Variants in BTAF1 observed in about 807,000 individuals in gnomAD.
BTAF1 encodes B-TFIID TATA-box binding protein associated factor 1, also known as TATA-binding protein-associated factor 172.
In BTAF1, 38 loss-of-function variants were observed where a neutral mutation model predicts 227.1. The observed-to-expected ratio is 0.17, with a 90% CI of 0.13 to 0.22. BTAF1 has a LOEUF of 0.22. BTAF1 is among the 10% of genes least tolerant of loss of function. BTAF1 has a pLI of 1.00. For missense variants in BTAF1, 1,598 were observed against 2,204.0 expected, an observed-to-expected ratio of 0.73 and a Z score of 5.51; for synonymous variants, 742 against 751.9, an observed-to-expected ratio of 0.99 and a Z score of 0.21.
At chr10:91,958,937 C>G (rs1205234797) in intron 8 of BTAF1, 128 bp from the exon 9 acceptor site, 1 of 767,342 alleles carries the variant, frequency 1.3e-6, no homozygotes, top group Non-Finnish European at 2.1e-6. Flanking sequence ...AAAATACATT[C>G]TTGTAAAGTT....
chr10:91,931,711 T>C (rs1844286503), intron 1 of BTAF1, among the ~76,000 whole-genome samples: 2 of 152,316 alleles, frequency 1.3e-5, no homozygotes, highest in South Asian at 4.1e-4. Context: ...GGCCTGGCCC[T>C]GATGCTTACC....
In BTAF1 at chr10:92,026,481, T is replaced by C. The variant is rs2134187940; in HGVS notation, c.5076-111T>C. ...TCTCAGATGATCATGTAAGTATCCC[T>C]ATTGTGGATTTTTAAAGCAGCATTT... On this transcript the variant is annotated intron_variant, in intron 35 of 37. Transcript: ENST00000265990. 7.2e-6 allele frequency: 6 copies of C among 829,954 alleles called. No individual in the cohort carries two copies. In the South Asian group the frequency reaches 1.1e-4, roughly 15 times the overall value. The allele number at this position is 829,954 out of a possible 1,614,324, so 51.4% of individuals were successfully genotyped here. A position where few individuals can be genotyped will look rare whatever the true frequency, so the allele number is the denominator to read the frequency against.
chr10:91,979,756 AG>A (rs1847945224), intron 14 of BTAF1, among the ~76,000 whole-genome samples: 1 of 152,160 alleles, frequency 6.6e-6, no homozygotes, highest in Non-Finnish European at 1.5e-5. Flanking sequence ...TATTTGGTGA[AG>A]CACTATTTGG....
chr10:91,935,894 C>CT (rs944210078), intron 2 of BTAF1, 114 bp downstream of exon 2: 13,750 of 838,662 alleles, frequency 0.016, no homozygotes, highest in East Asian at 0.022. Flanking sequence ...TTTGCTATTT[C>CT]TTTTTTTTTT....
chr10:91,945,152 C>T (rs576584949), intron 4 of BTAF1, among the ~76,000 whole-genome samples: 3 of 151,890 alleles, frequency 2.0e-5, no homozygotes, highest in African/African-American at 7.2e-5. Flanking sequence ...TTGAATCATA[C>T]AATATGTGGT....
intron 34 of BTAF1, 33 bp from the exon 35 acceptor site, chr10:92,024,723 G>C (rs374468768): frequency 1.8e-6 from 1 of 563,058 alleles, no homozygotes; most frequent in Non-Finnish European, 2.7e-6. Context: ...TTTATTGAAC[G>C]CTTATGTAGT....
intron 25 of BTAF1, among the ~76,000 whole-genome samples, chr10:92,005,222 G>C (rs542758634): frequency 6.6e-6 from 1 of 150,762 alleles, no homozygotes; most frequent in South Asian, 2.1e-4. Flanking sequence ...TGGGGTTTTT[G>C]TGGTTCCACA....
Position 92,009,189 on chromosome 10 carries a change from C to A in BTAF1, c.4084C>A (p.Pro1362Thr). The change falls in exon 28 of 38, where the codon CCT (proline) becomes ACT (threonine). Residue 1362 changes from proline to threonine, a missense_variant. Pro to Thr is a conservative substitution (Grantham distance 38). This residue lies in a region of BTAF1 where 184 missense variants were observed against 341.1 expected (regional missense o/e 0.54). Transcript: ENST00000265990. ...TCTCAACCCGTTGCATTACACTGGACCTCCCACTGAAAGAATAAGGTAAGA... is the reference window on the plus strand; with the variant it reads ...TCTCAACCCGTTGCATTACACTGGAACTCCCACTGAAAGAATAAGGTAAGA... Reference protein sequence around the residue: ...EYLNPLHYTGPPTERIRLQHQ... With the variant: ...EYLNPLHYTGTPTERIRLQHQ... 6.2e-7 allele frequency: 1 copy of A among 1,613,810 alleles called. No homozygotes were observed.
intron 15 of BTAF1, 104 bp downstream of exon 15, chr10:91,980,662 T>A: frequency 1.2e-6 from 1 of 860,558 alleles, no homozygotes; most frequent in Non-Finnish European, 1.9e-6. Context: ...TCATGGAGAT[T>A]TGAAAAGTCT....
rs6144026 is a variant in BTAF1, at chr10:91,925,516, C to CTTTT, written c.14+1436_14+1439dup. Among the ~76,000 whole-genome samples, 67 of 114,598 alleles carry CTTTT rather than the reference C, an allele frequency of 5.8e-4. 6 individuals carry two copies. The highest frequency in any genetic ancestry group is 3.1e-3 in the Admixed American group (30 of 9,524). The allele number at this position is 114,598 out of a possible 152,430, so 75.2% of individuals were successfully genotyped here. On this transcript the variant is annotated intron_variant, in intron 1 of 37. Transcript: ENST00000265990. ...CCTAATTTTCGGGCAACGCTAATCTCTTTTTTTTTTTTTGAGAAGGAATCT... is the reference window on the plus strand; with the variant it reads ...CCTAATTTTCGGGCAACGCTAATCTCTTTTTTTTTTTTTTTTTGAGAAGGAATCT...
intron 5 of BTAF1, among the ~76,000 whole-genome samples, 161 bp from the exon 6 acceptor site, chr10:91,953,576 A>G (rs1370491743): frequency 6.6e-6 from 1 of 152,254 alleles, no homozygotes; most frequent in Non-Finnish European, 1.5e-5. Flanking sequence ...GACTGAAATT[A>G]TGGTACAGTC....
intron 18 of BTAF1, among the ~76,000 whole-genome samples, chr10:91,983,787 A>G (rs1225220477): frequency 6.6e-6 from 1 of 152,062 alleles, no homozygotes; most frequent in Admixed American, 6.5e-5. Flanking sequence ...TAAAATTTAT[A>G]TCCACTTTTA....
At chr10:91,933,537 G>A (rs1387580209) in intron 1 of BTAF1, among the ~76,000 whole-genome samples, 2 of 152,136 alleles carry the variant, frequency 1.3e-5, no homozygotes, top group Non-Finnish European at 2.9e-5. Context: ...TGGAGAACAG[G>A]GTAATATAAT....
Position 92,024,736 on chromosome 10 carries a change from T to TTTTGTTTG in BTAF1, c.4864-17_4864-16insGTTTGTTT, listed in dbSNP as rs547773174. The TTTTGTTTG allele has an allele frequency of 3.2e-6, 5 of 1,569,908 alleles. No homozygotes were observed. The highest frequency in any genetic ancestry group is 4.3e-6 in the Non-Finnish European group (5 of 1,165,080). The stretch of plus-strand genomic sequence containing the variant: ...CTTTTATTGAACGCTTATGTAGTTT[T>TTTTGTTTG]TTTTTTTTTTCTTCCTAAGTTGCTG... On this transcript the variant is annotated intron_variant, in intron 34 of 37. Coordinates refer to ENST00000265990, the MANE Select transcript of BTAF1 (RefSeq NM_003972.3).
intron 8 of BTAF1, among the ~76,000 whole-genome samples, chr10:91,958,630 G>A (rs1363288109): frequency 6.6e-6 from 1 of 152,120 alleles, no homozygotes; most frequent in East Asian, 1.9e-4. Context: ...TTGAACCCGG[G>A]AGGCGGAGGT....
chr10:91,953,387 A>G (rs968464955), intron 5 of BTAF1, among the ~76,000 whole-genome samples: 20 of 152,110 alleles, frequency 1.3e-4, no homozygotes, highest in African/African-American at 4.6e-4. Flanking sequence ...AGTTTCTTCT[A>G]TTGACATTTA....
intron 13 of BTAF1, among the ~76,000 whole-genome samples, chr10:91,965,475 T>C (rs1846838166): frequency 6.6e-6 from 1 of 151,826 alleles, no homozygotes; most frequent in African/African-American, 2.4e-5. Context: ...TAAAAAAAAA[T>C]GGGTGGAATG....
chr10:91,986,847 TTTTTTTTTCTG>T (rs765110423), intron 19 of BTAF1, among the ~76,000 whole-genome samples: 66 of 151,594 alleles, frequency 4.4e-4, no homozygotes, highest in Admixed American at 8.6e-4. Context: ...CTTTTTTTCT[TTTTTTTTTCTG>T]TAAGGGACTT....
At chr10:91,931,142 GGA>G (rs1844250626) in intron 1 of BTAF1, among the ~76,000 whole-genome samples, 2 of 152,300 alleles carry the variant, frequency 1.3e-5, no homozygotes, top group Non-Finnish European at 2.9e-5. Flanking sequence ...CATCTGGAGA[GGA>G]GAGGGGTTAG....
Sources: allele counts gnomAD v4.1 joint callset (sites outside exome capture counted in the v4.1 genomes callset), GRCh38; gene constraint gnomAD v4.1.1; regional missense constraint gnomAD v4.1.1; transcripts MANE v1.5; gene names NCBI Gene and HGNC (gene_info 2026-07-23, HGNC 2026-07-21).